ZNF536: variants seen among roughly 807,000 people sequenced by gnomAD.
ZNF536 encodes the protein zinc finger protein 536.
A neutral mutation model predicts 84.5 loss-of-function variants in ZNF536; 13 were observed. The observed-to-expected ratio is 0.15, with a 90% CI of 0.10 to 0.24. The LOEUF (loss-of-function observed/expected upper bound fraction) is 0.24, where lower values mean the gene tolerates loss of function less well. Ranked by LOEUF, ZNF536 falls within the 10% of genes least tolerant of loss-of-function variation. The pLI, the probability that ZNF536 is intolerant of heterozygous loss-of-function variation, is 1.00. For synonymous variants in ZNF536, 811 were observed against 742.5 expected, an observed-to-expected ratio of 1.09 and a Z score of -1.50; for missense variants, 1,536 against 1,747.5, an observed-to-expected ratio of 0.88 and a Z score of 2.16.
chr19:30,347,589 C>A (rs918160313), intron 2 of ZNF536, among the ~76,000 whole-genome samples: 2 of 152,168 alleles, frequency 1.3e-5, no homozygotes, highest in African/African-American at 4.8e-5. Flanking sequence ...GACTTATCAG[C>A]AGGAGCCTAC....
At chr19:30,486,298 G>T (rs2054299298) in intron 2 of ZNF536, among the ~76,000 whole-genome samples, 1 of 152,082 alleles carries the variant, frequency 6.6e-6, no homozygotes, top group South Asian at 2.1e-4. Context: ...TCCCCTCCCT[G>T]TGTCCATGTG....
At chr19:30,664,261 T>TCTCC in intron 1 of ZNF536, among the ~76,000 whole-genome samples, 1 of 115,324 alleles carries the variant, frequency 8.7e-6, no homozygotes, top group African/African-American at 3.0e-5. Context: ...TCTCTCTCTC[T>TCTCC]CCCTCTCCCT....
intron 1 of ZNF536, among the ~76,000 whole-genome samples, chr19:30,396,783 T>C (rs2049840766): frequency 6.6e-6 from 1 of 152,138 alleles, no homozygotes; most frequent in African/African-American, 2.4e-5. Flanking sequence ...TTTTGTATTT[T>C]TAGTAGAGAC....
rs1293606470 is a variant in ZNF536 at position 30,444,127 on chromosome 19, C to A, written c.565C>A (p.Arg189Ser). The stretch of plus-strand genomic sequence containing the variant: ...CAAGCTGGGCAACCTGGGCAAGGGG[C>A]GTGGGCGTGTGCGCGAGGAGAACCG... ...THKLGNLGKG[R>S]GRVREENRLL... The change falls in exon 2 of 5, where the codon CGT becomes AGT. Residue 189 changes from arginine to serine, a missense_variant. Coordinates refer to ENST00000355537, the MANE Select transcript of ZNF536 (RefSeq NM_014717.3). The A allele has an allele frequency of 6.2e-6, 10 of 1,609,660 alleles. No individual in the cohort carries two copies. The highest frequency in any genetic ancestry group is 1.7e-5 in the Admixed American group (1 of 59,780).
chr19:30,615,088 AGGTGCGCGCCACCATGCCC>A (rs1295302274), intron 1 of ZNF536, among the ~76,000 whole-genome samples: 1 of 143,696 alleles, frequency 7.0e-6, no homozygotes, highest in Non-Finnish European at 1.5e-5. Flanking sequence ...CTGGGACTAC[AGGTGCGCGCCACCATGCCC>A]GGCTAATTTT....
intron 1 of ZNF536, among the ~76,000 whole-genome samples, chr19:30,281,167 T>C (rs778846488): frequency 6.6e-6 from 1 of 152,060 alleles, no homozygotes; most frequent in South Asian, 2.1e-4. Flanking sequence ...TGCTCTTGTC[T>C]CCCCTTCCTC....
chr19:30,455,666 A>ACT (rs1313855115), intron 2 of ZNF536, among the ~76,000 whole-genome samples: 1 of 152,178 alleles, frequency 6.6e-6, no homozygotes, highest in Non-Finnish European at 1.5e-5. Flanking sequence ...GTGTCACTGC[A>ACT]CTCCAGCCTG....
intron 1 of ZNF536, among the ~76,000 whole-genome samples, chr19:30,691,299 G>A (rs1697308161): frequency 6.6e-6 from 1 of 152,088 alleles, no homozygotes; most frequent in Non-Finnish European, 1.5e-5. Flanking sequence ...GCATCAGGGC[G>A]GTCGTCTCCA....
intron 1 of ZNF536, among the ~76,000 whole-genome samples, chr19:30,604,229 A>G (rs559982394): frequency 2.6e-5 from 4 of 152,350 alleles, no homozygotes; most frequent in African/African-American, 9.6e-5. Flanking sequence ...ACAATAAAAT[A>G]CATTTCTGTG....
At chr19:30,665,153 G>A (rs1057349909) in intron 1 of ZNF536, 12 of 152,210 alleles carry the variant, frequency 7.9e-5, no homozygotes, top group African/African-American at 2.9e-4. Context: ...AAACTGGCCT[G>A]AGCAACATGG....
chr19:30,605,892 T>C (rs2047851663), intron 1 of ZNF536, among the ~76,000 whole-genome samples: 1 of 152,134 alleles, frequency 6.6e-6, no homozygotes, highest in Non-Finnish European at 1.5e-5. Context: ...GCCGTGCTGC[T>C]TCAGGTTTTG....
chr19:30,687,158 A>G (rs1284658170), intron 1 of ZNF536, among the ~76,000 whole-genome samples: 1 of 152,210 alleles, frequency 6.6e-6, no homozygotes, highest in Non-Finnish European at 1.5e-5. Context: ...GGGGCTGCAA[A>G]TGCATGCCTG....
chr19:30,584,387 G>A (rs77979195), intron 1 of ZNF536, among the ~76,000 whole-genome samples: 228 of 152,330 alleles, frequency 1.5e-3, no homozygotes, highest in Non-Finnish European at 2.5e-3. Flanking sequence ...TAGTGAAGGT[G>A]CTGTGTGTTT....
chr19:30,498,955 T>A (rs897982439), intron 2 of ZNF536, among the ~76,000 whole-genome samples: 1 of 152,114 alleles, frequency 6.6e-6, no homozygotes, highest in Non-Finnish European at 1.5e-5. Flanking sequence ...GCTGTTTCCA[T>A]TTGAGCCTTT....
chr19:30,320,382 A>T (rs1232947677), intron 2 of ZNF536, among the ~76,000 whole-genome samples: 1 of 152,236 alleles, frequency 6.6e-6, no homozygotes, highest in African/African-American at 2.4e-5. Context: ...CATTTTAATC[A>T]GGGTCTTTGG....
chr19:30,661,370 T>C (rs753813343), intron 1 of ZNF536, among the ~76,000 whole-genome samples: 2 of 152,210 alleles, frequency 1.3e-5, no homozygotes, highest in African/African-American at 2.4e-5. Context: ...GCAGATGCAA[T>C]GCAATGTTCA....
At chr19:30,291,787 G>T (rs1345423535) in intron 2 of ZNF536, among the ~76,000 whole-genome samples, 1 of 152,186 alleles carries the variant, frequency 6.6e-6, no homozygotes, top group African/African-American at 2.4e-5. Context: ...TCATGGGTGT[G>T]CAGTGGCTCT....
intron 1 of ZNF536, among the ~76,000 whole-genome samples, chr19:30,666,866 G>T (rs1359537396): frequency 6.6e-6 from 1 of 151,312 alleles, no homozygotes; most frequent in Admixed American, 6.6e-5. Flanking sequence ...ATGTATGTAT[G>T]CATATTTTAA....
intron 1 of ZNF536, among the ~76,000 whole-genome samples, chr19:30,589,155 A>T (rs1020948206): frequency 6.6e-6 from 1 of 152,184 alleles, no homozygotes; most frequent in East Asian, 1.9e-4. Context: ...CCCTAGGGCC[A>T]TGCTTGGGAG....
Sources: gnomAD v4.1 joint callset for allele counts (sites outside exome capture counted in the v4.1 genomes callset) on GRCh38, gnomAD v4.1.1 for gene constraint, MANE v1.5 for transcripts, NCBI Gene and HGNC (gene_info 2026-07-23, HGNC 2026-07-21) for gene names.